Variants in LRIG1 observed in about 807,000 individuals in gnomAD.
LRIG1 encodes leucine-rich repeats and immunoglobulin-like domains protein 1.
A neutral mutation model predicts 99.2 loss-of-function variants in LRIG1; 48 were observed. The observed-to-expected ratio is 0.48, with a 90% CI of 0.38 to 0.62. The LOEUF is 0.62. Ranked by LOEUF, LRIG1 falls within the 20% of genes least tolerant of loss-of-function variation. LRIG1 has a pLI of 0.00. For synonymous variants in LRIG1, 772 were observed against 596.1 expected, an observed-to-expected ratio of 1.29 and a Z score of -4.30; for missense variants, 1,646 against 1,434.4, an observed-to-expected ratio of 1.15 and a Z score of -2.38.
chr3:66,424,049 C>T (rs567628359), intron 3 of LRIG1, among the ~76,000 whole-genome samples: 3 of 152,300 alleles, frequency 2.0e-5, no homozygotes, highest in East Asian at 3.9e-4. Context: ...CTCTCAGGAA[C>T]GAAGGGCTGA....
chr3:66,458,658 C>T (rs146666323), intron 2 of LRIG1, among the ~76,000 whole-genome samples: 5 of 152,106 alleles, frequency 3.3e-5, no homozygotes, highest in East Asian at 1.9e-4. Flanking sequence ...GCTGAGGTCA[C>T]GCCACTGCAC....
intron 10 of LRIG1, among the ~76,000 whole-genome samples, chr3:66,398,520 G>A (rs1209326349): frequency 1.3e-5 from 2 of 152,186 alleles, no homozygotes; most frequent in African/African-American, 2.4e-5. Flanking sequence ...TGACTGTCTC[G>A]GGTGGCTCTG....
At chr3:66,396,517 A>G (rs1418796879) in intron 11 of LRIG1, among the ~76,000 whole-genome samples, 1 of 152,154 alleles carries the variant, frequency 6.6e-6, no homozygotes, top group Admixed American at 6.5e-5. Context: ...GGAATTAACC[A>G]TTTCTCTCAT....
chr3:66,435,094 A>G (rs1042809815), intron 3 of LRIG1, among the ~76,000 whole-genome samples: 7 of 152,254 alleles, frequency 4.6e-5, no homozygotes, highest in Non-Finnish European at 8.8e-5. Context: ...ATTATGGAAT[A>G]CAACTCTGTG....
intron 8 of LRIG1, chr3:66,406,212 G>A: frequency 1.0e-6 from 1 of 985,472 alleles, no homozygotes; most frequent in Non-Finnish European, 1.2e-6. Flanking sequence ...AGGTCAAATA[G>A]TGGAGATTCT....
intron 9 of LRIG1, chr3:66,404,411 G>T (rs1702187147): frequency 1.1e-5 from 14 of 1,232,608 alleles, no homozygotes; most frequent in Non-Finnish European, 1.1e-5. Context: ...CAGTAATAAT[G>T]ACTCTCGTCC....
chr3:66,389,323 AAGAT>A (rs892400540), intron 12 of LRIG1, among the ~76,000 whole-genome samples: 1 of 152,200 alleles, frequency 6.6e-6, no homozygotes, highest in African/African-American at 2.4e-5. Flanking sequence ...ATGAAACAAA[AAGAT>A]AGGACACATA....
intron 6 of LRIG1, among the ~76,000 whole-genome samples, chr3:66,410,860 T>C (rs1460721165): frequency 6.6e-6 from 1 of 152,210 alleles, no homozygotes; most frequent in Non-Finnish European, 1.5e-5. Context: ...TTTACACAGC[T>C]TAGCCAGTAG....
intron 2 of LRIG1, among the ~76,000 whole-genome samples, chr3:66,460,587 C>T (rs543544581): frequency 1.3e-5 from 2 of 152,188 alleles, no homozygotes; most frequent in Non-Finnish European, 2.9e-5. Context: ...GGAGAGACCA[C>T]GTGAGGGCAC....
At chr3:66,425,813 T>C (rs1214399385) in intron 3 of LRIG1, among the ~76,000 whole-genome samples, 1 of 152,202 alleles carries the variant, frequency 6.6e-6, no homozygotes, top group African/African-American at 2.4e-5. Context: ...AGCAGAAGTC[T>C]ATTAAACCAA....
intron 3 of LRIG1, among the ~76,000 whole-genome samples, chr3:66,449,156 C>A (rs1261759768): frequency 6.6e-6 from 1 of 152,224 alleles, no homozygotes; most frequent in African/African-American, 2.4e-5. Context: ...GTCCTTTGCA[C>A]GGTCCACTTG....
intron 17 of LRIG1, 97 bp downstream of exon 17, chr3:66,381,382 T>C (rs1701052916): frequency 3.2e-6 from 4 of 1,248,166 alleles, no homozygotes; most frequent in South Asian, 1.4e-5. Context: ...GAGACAGCTG[T>C]GGACTAGGAA....
In LRIG1 at chr3:66,405,138, T is replaced by C; in HGVS notation, c.1160+60A>G. 2.0e-6 allele frequency: 3 copies of C among 1,481,620 alleles called. No homozygotes were observed. The Admixed American group carries it at 5.1e-5, about 25-fold the overall frequency. 91.8% of individuals were successfully genotyped at this position (1,481,620 alleles called of 1,614,324 possible). On this transcript the variant is annotated intron_variant, in intron 9 of 18. Coordinates refer to ENST00000273261, the MANE Select transcript of LRIG1 (RefSeq NM_015541.3). Reference sequence around the variant, plus strand: ...AGGCGCGGGGGGCGCCACAGAAACATCTCCCACCCAAGTGTGTCCCGCGCA... The same window carrying C: ...AGGCGCGGGGGGCGCCACAGAAACACCTCCCACCCAAGTGTGTCCCGCGCA...
chr3:66,435,704 G>A (rs778894335), intron 3 of LRIG1, among the ~76,000 whole-genome samples: 9 of 152,102 alleles, frequency 5.9e-5, no homozygotes, highest in Non-Finnish European at 1.3e-4. Context: ...TCAATATCCT[G>A]GTTATGAAAA....
chr3:66,482,617 A>C (rs1700876418), intron 1 of LRIG1, among the ~76,000 whole-genome samples: 1 of 152,204 alleles, frequency 6.6e-6, no homozygotes, highest in African/African-American at 2.4e-5. Flanking sequence ...AAATATTAAG[A>C]ATCTGCATAT....
At chr3:66,476,795 T>C (rs1700732112) in intron 1 of LRIG1, among the ~76,000 whole-genome samples, 4 of 152,236 alleles carry the variant, frequency 2.6e-5, no homozygotes, top group African/African-American at 9.6e-5. Flanking sequence ...ATACGCAGGA[T>C]TCTTCCCAAC....
In LRIG1 at chr3:66,388,106, CAAAAAAAAAAAA is replaced by C. The variant is rs34227936; in HGVS notation, c.1469-1817_1469-1806del. The C allele has an allele frequency of 4.1e-4, 22 of 53,652 alleles. 1 individual carries two copies. The highest frequency in any genetic ancestry group is 3.1e-3 in the East Asian group (5 of 1,616). The allele number at this position is 53,652 out of a possible 1,614,324, so 3.3% of individuals were successfully genotyped here. A position where few individuals can be genotyped will look rare whatever the true frequency, so the allele number is the denominator to read the frequency against. Reference sequence around the variant, plus strand: ...TGGGTGACAGAGCAAGACTCTGTCTCAAAAAAAAAAAAAAAAAAAAAAAAAAGGATAAAGTAT... The same window carrying C: ...TGGGTGACAGAGCAAGACTCTGTCTCAAAAAAAAAAAAAAGGATAAAGTAT... On this transcript the variant is annotated intron_variant, in intron 12 of 18. Transcript: ENST00000273261.
At chr3:66,409,981 T>C (rs1702411385) in intron 7 of LRIG1, 148 bp downstream of exon 7, 9 of 729,716 alleles carry the variant, frequency 1.2e-5, no homozygotes, top group Middle Eastern at 7.9e-4. Context: ...GGTTCCACCC[T>C]GGGCCTGGCT....
At chr3:66,448,160 C>A (rs1703787697) in intron 3 of LRIG1, among the ~76,000 whole-genome samples, 1 of 152,092 alleles carries the variant, frequency 6.6e-6, no homozygotes, top group African/African-American at 2.4e-5. Context: ...AAGTATTAAC[C>A]AACTGAAATT....
Sources: allele counts gnomAD v4.1 joint callset (sites outside exome capture counted in the v4.1 genomes callset), GRCh38; gene constraint gnomAD v4.1.1; transcripts MANE v1.5; gene names NCBI Gene and HGNC (gene_info 2026-07-23, HGNC 2026-07-21).